Variants in HDGF observed in about 807,000 individuals in gnomAD.
HDGF encodes hepatoma-derived growth factor.
HDGF carries 5 observed loss-of-function variants against 30.0 expected under a neutral mutation model. The ratio of observed to expected loss-of-function variants is 0.17; its 90% CI spans 0.09 to 0.35. The LOEUF (loss-of-function observed/expected upper bound fraction) is 0.35, where lower values mean the gene tolerates loss of function less well. Among genes scored for constraint, HDGF ranks in the 10% least tolerant of loss-of-function variants. The pLI, the probability that HDGF is intolerant of heterozygous loss-of-function variation, is 1.00. For missense variants in HDGF, 214 were observed against 302.8 expected, an observed-to-expected ratio of 0.71 and a Z score of 2.18; for synonymous variants, 133 against 112.7, an observed-to-expected ratio of 1.18 and a Z score of -1.14.
chr1:156,759,884 C>T (rs565730928), intron 1 of HDGF, among the ~76,000 whole-genome samples: 8 of 152,194 alleles, frequency 5.3e-5, no homozygotes, highest in South Asian at 2.1e-4. Flanking sequence ...TTAATCAGTC[C>T]CCTGTTGATG....
At chr1:156,757,182 A>C (rs1243282223), upstream of HDGF, among the ~76,000 whole-genome samples, 1 of 151,682 alleles carries the variant, frequency 6.6e-6, no homozygotes. Flanking sequence ...AATTTAAATT[A>C]AGGCCGGATG....
Position 156,751,314 on chromosome 1 carries a change from GT to G in HDGF, c.87+28del. On this transcript the variant is annotated intron_variant, in intron 1 of 5. Transcript: ENST00000357325. This position sits in a 1 kb window ranked among gnomAD's most constrained non-coding sequence, Gnocchi z 4.7. ...GTTATGCAACCCAAGCCCGCAGGGG[GT>G]TAGGGGGCGGCGGGCCGCGCTGCTC... 1 of 1,601,294 alleles carries G rather than the reference GT, an allele frequency of 6.2e-7. No individual in the cohort carries two copies. The highest frequency in any genetic ancestry group is 1.1e-5 in the South Asian group (1 of 89,960).
chr1:156,757,241 G>A (rs746892974), upstream of HDGF, among the ~76,000 whole-genome samples: 7 of 151,658 alleles, frequency 4.6e-5, no homozygotes, highest in Non-Finnish European at 1.0e-4. Flanking sequence ...CGAGGTAGGC[G>A]ATCATGAGGT....
At chr1:156,748,404 A>C (rs978541977) in intron 1 of HDGF, among the ~76,000 whole-genome samples, 1 of 152,152 alleles carries the variant, frequency 6.6e-6, no homozygotes, top group Non-Finnish European at 1.5e-5. Context: ...CCAGGCTGTG[A>C]CTCAAAACAA....
chr1:156,758,011 G>A (rs1380766212), intron 2 of HDGF, among the ~76,000 whole-genome samples: 1 of 151,760 alleles, frequency 6.6e-6, no homozygotes, highest in Admixed American at 6.6e-5. Flanking sequence ...AGAATGAAAA[G>A]ATATGGCTGG....
At chr1:156,745,618 C>T (rs375420685) in intron 1 of HDGF, among the ~76,000 whole-genome samples, 238 of 152,320 alleles carry the variant, frequency 1.6e-3, no homozygotes, top group South Asian at 0.012. Flanking sequence ...CCCATTCTGC[C>T]TCCCAACATG....
At chr1:156,752,801 T>A (rs1651057043), upstream of HDGF, among the ~76,000 whole-genome samples, 1 of 152,226 alleles carries the variant, frequency 6.6e-6, no homozygotes, top group Non-Finnish European at 1.5e-5. Flanking sequence ...GATCTTATGT[T>A]ACGGCATATA....
At position 156,744,193 on chromosome 1, in the gene HDGF, C is replaced by G. The variant is rs201820242; in HGVS notation, c.459G>C (p.Ala153=). 6.2e-7 allele frequency: 1 copy of G among 1,614,040 alleles called. No individual in the cohort carries two copies. Among genetic ancestry groups the G allele is most frequent in the Admixed American group, 1.7e-5 (1 of 59,998 alleles). Residue 153 remains alanine, a synonymous_variant, in exon 4 of 6, where the codon GCG becomes GCC. Transcript: ENST00000357325. ...GCAAGTCCCCTGCTCTCCTCTTCAACGCTCCTTTCTCGTTCTTCTCCTTGG... is the reference window on the plus strand; with the variant it reads ...GCAAGTCCCCTGCTCTCCTCTTCAAGGCTCCTTTCTCGTTCTTCTCCTTGG... ...EPAKEKNEKG[A]LKRRAGDLLE... is the part of the protein sequence containing the mutation.
chr1:156,749,736 C>A (rs1004778661), intron 1 of HDGF, among the ~76,000 whole-genome samples: 2 of 152,144 alleles, frequency 1.3e-5, no homozygotes, highest in Non-Finnish European at 2.9e-5. Context: ...TGTCCCTGCC[C>A]CTTTTCTCTC....
chr1:156,751,767 C>T (rs1400752086), upstream of HDGF: 12 of 1,198,238 alleles, frequency 1.0e-5, no homozygotes, highest in Admixed American at 1.3e-4. The surrounding 1 kb of genome is among the most constrained non-coding windows in gnomAD (Gnocchi z 4.7). Flanking sequence ...GGACCCACTC[C>T]TCCTCCTCCC....
At chr1:156,763,932 C>G (rs1651303065) in intron 1 of HDGF, among the ~76,000 whole-genome samples, 1 of 151,880 alleles carries the variant, frequency 6.6e-6, no homozygotes, top group South Asian at 2.1e-4. Flanking sequence ...GGGTCATGCT[C>G]TGTCACCCAG....
rs1435050623 is a variant in HDGF at position 156,743,785 on chromosome 1, C to T, written c.583G>A (p.Val195Met). 2.5e-6 allele frequency: 4 copies of T among 1,604,654 alleles called. No individual in the cohort carries two copies. The African/African-American group carries it at 5.4e-5, about 22-fold the overall frequency. Residue 195 changes from valine to methionine, a missense_variant, in exon 5 of 6, where the codon GTG becomes ATG. Physicochemically the swap from Val to Met is conservative, Grantham distance 21. This residue lies in a region of HDGF where 176 missense variants were observed against 211.7 expected (regional missense o/e 0.83). Coordinates refer to ENST00000357325, the MANE Select transcript of HDGF (RefSeq NM_004494.3). ...LEVERPLPMEVEKNSTPSEPG... is the reference protein window; with the variant it reads ...LEVERPLPMEMEKNSTPSEPG... ...TCAGAGGGGGTGCTATTCTTTTCCA[C>T]CTCCATAGGAAGGGGCCTCTCAACC...
upstream of HDGF, chr1:156,752,488 A>G (rs533190445): frequency 1.2e-6 from 1 of 849,496 alleles, no homozygotes; most frequent in Non-Finnish European, 1.9e-6. Flanking sequence ...CAACCCCTTC[A>G]GTAAACTGTG....
At chr1:156,762,285 T>G (rs1432910343) in intron 1 of HDGF, among the ~76,000 whole-genome samples, 3 of 151,154 alleles carry the variant, frequency 2.0e-5, no homozygotes, top group Non-Finnish European at 2.9e-5. Flanking sequence ...GGCTCATGCC[T>G]ATAATCCTGT....
chr1:156,763,435 C>T (rs907920534), intron 1 of HDGF, among the ~76,000 whole-genome samples: 2 of 151,476 alleles, frequency 1.3e-5, no homozygotes, highest in Non-Finnish European at 2.9e-5. Flanking sequence ...AGGCTGGCCT[C>T]GATCTCTTGA....
chr1:156,761,999 C>CGTG lies in HDGF; in HGVS notation n.137-2783_137-2781dup, dbSNP rs935854455. Reference sequence around the variant, plus strand: ...ACAAAAAATACAAAAATTAGCCGGGCGTGGTGGCAATGTGCCTGTAAGGTC... The same window carrying CGTG: ...ACAAAAAATACAAAAATTAGCCGGGCGTGGTGGTGGCAATGTGCCTGTAAGGTC... On this transcript the variant is annotated intron_variant and non_coding_transcript_variant, in intron 1 of 7. Coordinates refer to the HDGF transcript ENST00000465180. Among the ~76,000 whole-genome samples the CGTG allele has an allele frequency of 6.0e-5, 9 of 149,436 alleles. No individual in the cohort carries two copies. In the East Asian group the frequency reaches 1.2e-3, roughly 20 times the overall value.
rs569105337 is a variant in HDGF at position 156,764,443 on chromosome 1, C to T, written n.136+2347G>A. Among the ~76,000 whole-genome samples the T allele has an allele frequency of 3.4e-3, 506 of 147,642 alleles. 1 individual carries two copies. The highest frequency in any genetic ancestry group is 0.012 in the African/African-American group (484 of 39,922). On this transcript the variant is annotated intron_variant and non_coding_transcript_variant, in intron 1 of 7. Transcript: ENST00000465180. ...AACTCCTGACCTCAGGGGATCCGCCCGCCTCAGCCTCCCAAAGTGCTGGGA... is the reference window on the plus strand; with the variant it reads ...AACTCCTGACCTCAGGGGATCCGCCTGCCTCAGCCTCCCAAAGTGCTGGGA...
rs1374612990 is a variant in HDGF at position 156,751,635 on chromosome 1, CCG to C, written c.-208_-207del. 1.0e-6 allele frequency: 1 copy of C among 996,526 alleles called. No homozygotes were observed. The highest frequency in any genetic ancestry group is 1.1e-4 in the East Asian group (1 of 9,048). The allele number at this position is 996,526 out of a possible 1,614,324, so 61.7% of individuals were successfully genotyped here. A position where few individuals can be genotyped will look rare whatever the true frequency, so the allele number is the denominator to read the frequency against. On this transcript the variant is annotated 5_prime_UTR_variant, in exon 1 of 6. Transcript: ENST00000357325. This position sits in a 1 kb window ranked among gnomAD's most constrained non-coding sequence, Gnocchi z 4.7. ...GGCGGGCGCGGATCGGGGCAAGGCT[CCG>C]GCGCGGTGGGTGCGCGCTCGTGCAG...
At chr1:156,752,265 A>G, upstream of HDGF, 1 of 1,551,778 alleles carries the variant, frequency 6.4e-7, no homozygotes, top group Non-Finnish European at 8.7e-7. Flanking sequence ...CGGGGATTTG[A>G]GCCCTACGTC....
Sources: allele counts gnomAD v4.1 joint callset (sites outside exome capture counted in the v4.1 genomes callset), GRCh38; gene constraint gnomAD v4.1.1; regional missense constraint gnomAD v4.1.1; non-coding constraint Gnocchi (gnomAD v3.1); transcripts MANE v1.5; gene names NCBI Gene and HGNC (gene_info 2026-07-23, HGNC 2026-07-21).